CEP112: variants seen among roughly 807,000 people sequenced by gnomAD.
The protein encoded by CEP112 is centrosomal protein of 112 kDa.
A neutral mutation model predicts 153.0 loss-of-function variants in CEP112; 127 were observed. The ratio of observed to expected loss-of-function variants is 0.83; its 90% confidence interval spans 0.72 to 0.96. The LOEUF is 0.96. Ranked by LOEUF, CEP112 falls within the 40% of genes least tolerant of loss-of-function variation. The pLI, the probability that CEP112 is intolerant of heterozygous loss-of-function variation, is 0.00. For synonymous variants in CEP112, 358 were observed against 374.4 expected, an observed-to-expected ratio of 0.96 and a Z score of 0.51; for missense variants, 1,089 against 1,101.2, an observed-to-expected ratio of 0.99 and a Z score of 0.16.
At chr17:65,864,551 T>C (rs558298897) in intron 20 of CEP112, among the ~76,000 whole-genome samples, 1 of 152,324 alleles carries the variant, frequency 6.6e-6, no homozygotes, top group South Asian at 2.1e-4. Context: ...TGATACAGTA[T>C]GGAAGTGACT....
At chr17:65,973,647 C>T (rs2062929080) in intron 17 of CEP112, among the ~76,000 whole-genome samples, 1 of 152,094 alleles carries the variant, frequency 6.6e-6, no homozygotes, top group Non-Finnish European at 1.5e-5. Flanking sequence ...ACGATACATA[C>T]TGTCTGCTTC....
rs74758995 is a variant in CEP112, at chr17:65,970,310, CAT to C, written c.1737-8714_1737-8713del. On this transcript the variant is annotated intron_variant, in intron 17 of 26. Transcript: ENST00000535342. ...TGGATGTCATACTGCATGTGTATCT[CAT>C]ATGTAAAACATATTGCATGCATATT... 1.6e-4 allele frequency among the ~76,000 whole-genome samples: 18 copies of C among 111,040 alleles called. 4 individuals carry two copies. The highest frequency in any genetic ancestry group is 6.4e-4 in the South Asian group (2 of 3,116). The allele number at this position is 111,040 out of a possible 152,430, so 72.8% of individuals were successfully genotyped here.
intron 21 of CEP112, among the ~76,000 whole-genome samples, chr17:65,754,254 C>T (rs1199642907): frequency 1.3e-5 from 2 of 152,190 alleles, no homozygotes; most frequent in African/African-American, 4.8e-5. Context: ...AAACAGCATT[C>T]CAGGCAGAAG....
At chr17:66,052,972 T>C (rs2066504425) in intron 12 of CEP112, among the ~76,000 whole-genome samples, 1 of 151,722 alleles carries the variant, frequency 6.6e-6, no homozygotes, top group South Asian at 2.1e-4. Flanking sequence ...TCGGATGCTG[T>C]GGCATGCACC....
intron 19 of CEP112, among the ~76,000 whole-genome samples, chr17:65,920,380 T>A (rs1181825210): frequency 5.3e-5 from 5 of 94,516 alleles, no homozygotes; most frequent in African/African-American, 2.1e-4. Context: ...TATATATATA[T>A]ATATATATAT....
At chr17:66,133,476 G>A (rs1386932825) in intron 4 of CEP112, among the ~76,000 whole-genome samples, 1 of 152,158 alleles carries the variant, frequency 6.6e-6, no homozygotes, top group Non-Finnish European at 1.5e-5. Flanking sequence ...AACACACCAT[G>A]TTAATTTAGG....
At chr17:65,811,820 C>A (rs1246707527) in intron 21 of CEP112, among the ~76,000 whole-genome samples, 1 of 152,032 alleles carries the variant, frequency 6.6e-6, no homozygotes, top group Admixed American at 6.6e-5. Context: ...CTATTTAGAA[C>A]CGAAAACTAA....
At chr17:65,784,521 C>T (rs2054168525) in intron 21 of CEP112, among the ~76,000 whole-genome samples, 1 of 152,198 alleles carries the variant, frequency 6.6e-6, no homozygotes, top group Non-Finnish European at 1.5e-5. Flanking sequence ...CACTCTGTCG[C>T]CCAGGCTGGA....
chr17:65,710,846 T>C (rs994148806), intron 23 of CEP112, among the ~76,000 whole-genome samples: 1 of 152,248 alleles, frequency 6.6e-6, no homozygotes, highest in Non-Finnish European at 1.5e-5. Context: ...TTTCTGCTGT[T>C]GGTCTTTTCT....
At chr17:66,044,723 T>C (rs1391399847) in intron 12 of CEP112, among the ~76,000 whole-genome samples, 1 of 152,170 alleles carries the variant, frequency 6.6e-6, no homozygotes, top group Non-Finnish European at 1.5e-5. Context: ...AGAATTATTG[T>C]TTACTGGGTA....
At chr17:65,965,671 G>A (rs7220446) in intron 17 of CEP112, among the ~76,000 whole-genome samples, 62,596 of 151,354 alleles carry the variant, frequency 0.41, 14,336 homozygotes, top group East Asian at 0.87. Flanking sequence ...ATAGGTGCAA[G>A]CCACCACCCC....
intron 24 of CEP112, among the ~76,000 whole-genome samples, chr17:65,668,563 C>T (rs966212396): frequency 6.6e-6 from 1 of 152,182 alleles, no homozygotes; most frequent in African/African-American, 2.4e-5. Context: ...TCTAAAACCA[C>T]CTGCCTGTAT....
intron 10 of CEP112, among the ~76,000 whole-genome samples, chr17:66,063,568 G>A (rs145373248): frequency 1.3e-5 from 2 of 152,184 alleles, no homozygotes; most frequent in East Asian, 3.9e-4. Context: ...TGGGTGATGG[G>A]TACACCAAAG....
In CEP112 at chr17:65,718,490, TC is replaced by T. The variant is rs569824163; in HGVS notation, c.2607+24577del. ...TTTGCAAAGTACCTCCTTCAACTCA[TC>T]CCATTACAATACTATGTTTTCATGA... On this transcript the variant is annotated intron_variant, in intron 23 of 26. Coordinates refer to ENST00000535342, the MANE Select transcript of CEP112 (RefSeq NM_001199165.4). Among the ~76,000 whole-genome samples, 407 of 152,258 alleles carry T rather than the reference TC, an allele frequency of 2.7e-3. 5 individuals carry two copies. The highest frequency in any genetic ancestry group is 9.4e-3 in the African/African-American group (390 of 41,564).
At chr17:65,784,031 G>C (rs556495961) in intron 21 of CEP112, among the ~76,000 whole-genome samples, 2 of 152,352 alleles carry the variant, frequency 1.3e-5, no homozygotes, top group East Asian at 1.9e-4. Context: ...CTGAGGTTTA[G>C]CAATGTAGGA....
At chr17:65,840,993 C>CA (rs1213584448) in intron 21 of CEP112, among the ~76,000 whole-genome samples, 1 of 151,774 alleles carries the variant, frequency 6.6e-6, no homozygotes, top group Admixed American at 6.6e-5. Context: ...ATCAAAAAGA[C>CA]AAAAAACAAA....
chr17:65,660,030 T>A (rs1598227726), intron 24 of CEP112, among the ~76,000 whole-genome samples: 1 of 151,902 alleles, frequency 6.6e-6, no homozygotes, highest in South Asian at 2.1e-4. Context: ...TGGGTGGAGG[T>A]CATGGGGTGG....
intron 24 of CEP112, among the ~76,000 whole-genome samples, chr17:65,673,482 T>C (rs1486468136): frequency 1.3e-5 from 2 of 152,196 alleles, no homozygotes; most frequent in Non-Finnish European, 2.9e-5. Flanking sequence ...ACCTTGATTA[T>C]ATCTGCAAAA....
At chr17:65,794,486 TC>T (rs1384841661) in intron 21 of CEP112, among the ~76,000 whole-genome samples, 4 of 152,096 alleles carry the variant, frequency 2.6e-5, no homozygotes, top group African/African-American at 7.2e-5. Flanking sequence ...TTTCTCCACA[TC>T]CCACCACTTT....
Sources: gnomAD v4.1 joint callset for allele counts (sites outside exome capture counted in the v4.1 genomes callset) on GRCh38, gnomAD v4.1.1 for gene constraint, MANE v1.5 for transcripts, NCBI Gene and HGNC (gene_info 2026-07-23, HGNC 2026-07-21) for gene names.